Variants in NIBAN1 observed in about 807,000 individuals in gnomAD.
NIBAN1 encodes the protein niban apoptosis regulator 1.
A neutral mutation model predicts 75.1 loss-of-function variants in NIBAN1; 81 were observed. The observed-to-expected ratio is 1.08, with a 90% CI of 0.90 to 1.30. The LOEUF (loss-of-function observed/expected upper bound fraction) is 1.30, where lower values mean the gene tolerates loss of function less well. NIBAN1 is among the 50% of genes most tolerant of loss of function. NIBAN1 has a pLI of 0.00. For missense variants in NIBAN1, 1,133 were observed against 1,128.1 expected, an observed-to-expected ratio of 1.00 and a Z score of -0.06; for synonymous variants, 436 against 424.8, an observed-to-expected ratio of 1.03 and a Z score of -0.32.
Position 184,865,489 on chromosome 1 carries a change from A to G in NIBAN1, c.601+19144T>C, listed in dbSNP as rs138255344. Among the ~76,000 whole-genome samples, 288 of 152,228 alleles carry G rather than the reference A, an allele frequency of 1.9e-3. 1 individual carries two copies. Among genetic ancestry groups the G allele is most frequent in the African/African-American group, 6.7e-3 (278 of 41,548 alleles). On this transcript the variant is annotated intron_variant, in intron 5 of 13. Transcript: ENST00000367511. ...GGGTACAGAGTTGAAAAACCTAACT[A>G]TTGTATACTATGCTCAGTACTTGGG...
chr1:184,823,825 G>T, intron 6 of NIBAN1, 83 bp from the exon 7 acceptor site: 1 of 1,148,776 alleles, frequency 8.7e-7, no homozygotes, highest in Non-Finnish European at 1.3e-6. Context: ...TGTCCTGATT[G>T]GCTGTCCCTG....
intron 5 of NIBAN1, among the ~76,000 whole-genome samples, chr1:184,851,948 G>C (rs564122436): frequency 6.6e-6 from 1 of 151,546 alleles, no homozygotes; most frequent in Admixed American, 6.6e-5. Flanking sequence ...GAGAGCTCCC[G>C]TGAGCGCTGG....
At chr1:184,820,903 C>G (rs563380050) in intron 8 of NIBAN1, among the ~76,000 whole-genome samples, 1 of 152,218 alleles carries the variant, frequency 6.6e-6, no homozygotes, top group Non-Finnish European at 1.5e-5. Flanking sequence ...CTTGGAAGAA[C>G]TCAGTAACTG....
chr1:184,973,684 G>A (rs913925684), intron 1 of NIBAN1, among the ~76,000 whole-genome samples: 1 of 152,224 alleles, frequency 6.6e-6, no homozygotes, highest in Non-Finnish European at 1.5e-5. Flanking sequence ...CTCCCCATCT[G>A]TAACTTTCGG....
Position 184,831,978 on chromosome 1 carries a change from A to G in NIBAN1, c.602-16T>C. ...TTCATGTAATCTAAAGAAAAGAAGA[A>G]AGGGCATTCAGCAAGATAAAACACT... On this transcript the variant is annotated splice_polypyrimidine_tract_variant and intron_variant, in intron 5 of 13. Transcript: ENST00000367511. 1.3e-6 allele frequency: 2 copies of G among 1,586,366 alleles called. No homozygotes were observed. The highest frequency in any genetic ancestry group is 1.7e-6 in the Non-Finnish European group (2 of 1,154,806).
intron 5 of NIBAN1, among the ~76,000 whole-genome samples, chr1:184,854,835 C>T (rs957663283): frequency 3.3e-5 from 5 of 152,144 alleles, no homozygotes; most frequent in African/African-American, 9.7e-5. Flanking sequence ...ACTTGGATCA[C>T]GTATTGTAAT....
chr1:184,795,606 C>T lies in NIBAN1; in HGVS notation c.2158G>A (p.Val720Met), dbSNP rs17313374. The change falls in exon 14 of 14, where the codon GTG becomes ATG. Residue 720 changes from valine (V) to methionine (M), a missense_variant. Val to Met is a conservative substitution (Grantham distance 21). Transcript: ENST00000367511. Reference sequence around the variant, plus strand: ...GGAGCAGAGTCCACTGGTACTTCCACGGACGCTGTCAGCAACTTTCTGAGC... The same window carrying T: ...GGAGCAGAGTCCACTGGTACTTCCATGGACGCTGTCAGCAACTTTCTGAGC... Reference protein sequence around the residue: ...KALRKLLTASVEVPVDSAPVM... With the variant: ...KALRKLLTASMEVPVDSAPVM... 0.01 allele frequency: 16,730 copies of T among 1,614,184 alleles called. 115 individuals are homozygous for T. The highest frequency in any genetic ancestry group is 0.012 in the Non-Finnish European group (14,617 of 1,180,036).
At chr1:184,937,068 C>A (rs1278983720) in intron 1 of NIBAN1, among the ~76,000 whole-genome samples, 2 of 150,854 alleles carry the variant, frequency 1.3e-5, no homozygotes, top group Non-Finnish European at 3.0e-5. Flanking sequence ...TTAATAAGTT[C>A]ATCCAAGGAA....
intron 1 of NIBAN1, among the ~76,000 whole-genome samples, chr1:184,907,481 T>G (rs1476876216): frequency 6.6e-6 from 1 of 152,208 alleles, no homozygotes; most frequent in Non-Finnish European, 1.5e-5. Flanking sequence ...TAAAAGAAAT[T>G]ACAATATCCA....
intron 9 of NIBAN1, among the ~76,000 whole-genome samples, chr1:184,809,855 G>A (rs1396250609): frequency 6.6e-6 from 1 of 152,052 alleles, no homozygotes; most frequent in African/African-American, 2.4e-5. Flanking sequence ...GTTTCATGGG[G>A]TATTTTTGGA....
chr1:184,971,703 G>A (rs570957060), intron 1 of NIBAN1, among the ~76,000 whole-genome samples: 1 of 152,166 alleles, frequency 6.6e-6, no homozygotes, highest in East Asian at 1.9e-4. Context: ...AGTGCTAAAA[G>A]CATCACTTAA....
intron 9 of NIBAN1, among the ~76,000 whole-genome samples, chr1:184,813,973 T>C (rs567415850): frequency 1.8e-4 from 27 of 152,322 alleles, no homozygotes; most frequent in Non-Finnish European, 2.9e-4. Flanking sequence ...TAATTGAGCC[T>C]ACTGAAAAAA....
chr1:184,828,658 A>G (rs190771578), intron 6 of NIBAN1, among the ~76,000 whole-genome samples: 95 of 152,296 alleles, frequency 6.2e-4, no homozygotes, highest in African/African-American at 1.4e-3. Flanking sequence ...TCTGTAACAG[A>G]CTAGTTTTCT....
chr1:184,813,096 T>C (rs916316264), intron 9 of NIBAN1, among the ~76,000 whole-genome samples: 7 of 152,218 alleles, frequency 4.6e-5, no homozygotes, highest in African/African-American at 1.7e-4. Flanking sequence ...AGAGACCCCT[T>C]TCCTGGCCCT....
rs184964668 is a variant in NIBAN1 at position 184,799,131 on chromosome 1, C to T, written c.1555-941G>A. The stretch of plus-strand genomic sequence containing the variant: ...TATGTATACATGTGCCATGCTGGTG[C>T]GCTGCACCCACTTACTCGTCATCTA... On this transcript the variant is annotated intron_variant, in intron 12 of 13. Transcript: ENST00000367511. 3.6e-3 allele frequency among the ~76,000 whole-genome samples: 553 copies of T among 151,880 alleles called. 4 individuals are homozygous for T. Among genetic ancestry groups the T allele is most frequent in the African/African-American group, 0.013 (526 of 41,398 alleles).
At chr1:184,919,221 T>C (rs1198679061) in intron 1 of NIBAN1, among the ~76,000 whole-genome samples, 1 of 152,204 alleles carries the variant, frequency 6.6e-6, no homozygotes, top group East Asian at 1.9e-4. Context: ...AATTTAAGCA[T>C]GTAAATATCT....
chr1:184,915,378 T>C (rs1282579836), intron 1 of NIBAN1, among the ~76,000 whole-genome samples: 1 of 152,256 alleles, frequency 6.6e-6, no homozygotes, highest in East Asian at 1.9e-4. Context: ...CCTGGATCTG[T>C]ACAATCGCAG....
chr1:184,940,822 G>C (rs761137671), intron 1 of NIBAN1, among the ~76,000 whole-genome samples: 23 of 152,154 alleles, frequency 1.5e-4, no homozygotes, highest in Non-Finnish European at 2.9e-4. Context: ...ATATGAGGAG[G>C]ATCATTCCAT....
chr1:184,885,422 G>A (rs180935975), intron 4 of NIBAN1, among the ~76,000 whole-genome samples: 1 of 152,258 alleles, frequency 6.6e-6, no homozygotes, highest in Admixed American at 6.5e-5. Flanking sequence ...CGAGCCACCT[G>A]ACTTTGCCTC....
Sources: gnomAD v4.1 joint callset for allele counts (sites outside exome capture counted in the v4.1 genomes callset) on GRCh38, gnomAD v4.1.1 for gene constraint, MANE v1.5 for transcripts, NCBI Gene and HGNC (gene_info 2026-07-23, HGNC 2026-07-21) for gene names.